TMX2: variants seen among roughly 807,000 people sequenced by gnomAD.
TMX2 encodes the protein thioredoxin-related transmembrane protein 2.
TMX2 carries 20 observed loss-of-function variants against 33.4 expected under a neutral mutation model. That is an observed-to-expected ratio of 0.60 (90% confidence interval 0.42 to 0.87). The LOEUF is 0.87. TMX2 is among the 40% of genes least tolerant of loss of function. The pLI, the probability that TMX2 is intolerant of heterozygous loss-of-function variation, is 0.00. For missense variants in TMX2, 340 were observed against 370.7 expected (o/e 0.92, Z 0.68); for synonymous variants, 166 against 140.7 (o/e 1.18, Z -1.27).
chr11:57,721,166 G>A (rs1436764135), intron 1 of TMX2, among the ~76,000 whole-genome samples: 1 of 151,960 alleles, frequency 6.6e-6, no homozygotes, highest in Admixed American at 6.6e-5. Flanking sequence ...GCCGGGTGTG[G>A]TGGTGTGTGC....
chr11:57,737,335 C>T (rs1441254279), intron 1 of TMX2, among the ~76,000 whole-genome samples: 29 of 152,100 alleles, frequency 1.9e-4, no homozygotes, highest in Admixed American at 1.9e-3. Flanking sequence ...TTGCAGTGAG[C>T]CGAGATCGCG....
chr11:57,713,387 C>T (rs756245068), intron 1 of TMX2, among the ~76,000 whole-genome samples: 17 of 151,856 alleles, frequency 1.1e-4, no homozygotes, highest in Middle Eastern at 3.2e-3. Context: ...CCTGAAGATG[C>T]GAAAGTGGAT....
At chr11:57,718,464 G>T in intron 1 of TMX2, 1 of 1,049,168 alleles carries the variant, frequency 9.5e-7, no homozygotes, top group Non-Finnish European at 1.5e-6. Context: ...TCTGCAAACA[G>T]CTCGAAGGAG....
intron 1 of TMX2, among the ~76,000 whole-genome samples, chr11:57,731,510 A>G (rs545063484): frequency 2.7e-5 from 4 of 148,266 alleles, no homozygotes; most frequent in South Asian, 2.1e-4. Flanking sequence ...TCCCTAAAAT[A>G]TATAAAATCA....
intron 1 of TMX2, among the ~76,000 whole-genome samples, chr11:57,724,964 G>A (rs999295840): frequency 1.3e-5 from 2 of 151,660 alleles, no homozygotes; most frequent in South Asian, 2.1e-4. Context: ...CTTTGAACTC[G>A]GGTGGCAGAG....
At chr11:57,731,225 C>A (rs1393457085) in intron 1 of TMX2, among the ~76,000 whole-genome samples, 1 of 141,666 alleles carries the variant, frequency 7.1e-6, no homozygotes, top group Non-Finnish European at 1.5e-5. Context: ...CATCTGCCTC[C>A]CTGGTTCAAG....
chr11:57,716,618 A>C (rs889560800), intron 1 of TMX2, among the ~76,000 whole-genome samples: 4 of 96,348 alleles, frequency 4.2e-5, no homozygotes, highest in African/African-American at 8.2e-5. Flanking sequence ...TGGGGGGCTG[A>C]CCCCCCCACC....
chr11:57,737,448 C>T (rs527855747), intron 1 of TMX2, among the ~76,000 whole-genome samples, 160 bp from the exon 2 acceptor site: 1 of 152,362 alleles, frequency 6.6e-6, no homozygotes, highest in African/African-American at 2.4e-5. Flanking sequence ...GGTCTTCTGA[C>T]TGATGTTTAT....
intron 1 of TMX2, chr11:57,718,650 CCT>C (rs1322491849): frequency 2.7e-5 from 9 of 332,020 alleles, no homozygotes; most frequent in East Asian, 1.5e-4. Flanking sequence ...AATAACCCCC[CCT>C]CTTTTTTTTT....
At chr11:57,739,762 A>AG (rs1477813452) in intron 7 of TMX2, among the ~76,000 whole-genome samples, 1 of 152,150 alleles carries the variant, frequency 6.6e-6, no homozygotes, top group African/African-American at 2.4e-5. Context: ...AGGAAAAAAA[A>AG]AAAAAGATTC....
At chr11:57,733,537 G>A (rs375626886) in intron 1 of TMX2, among the ~76,000 whole-genome samples, 12 of 151,988 alleles carry the variant, frequency 7.9e-5, no homozygotes, top group Non-Finnish European at 1.3e-4. Context: ...GATTACAGGC[G>A]TGAGTCACCG....
rs534627689 is a variant in TMX2 at position 57,732,820 on chromosome 11, G to T, written c.190-4788G>T. Among the ~76,000 whole-genome samples the T allele has an allele frequency of 1.3e-3, 198 of 152,186 alleles. 1 individual carries two copies. Among genetic ancestry groups the T allele is most frequent in the African/African-American group, 4.7e-3 (195 of 41,512 alleles). ...CCATTGGTGATCAGCTGAACTTTCA[G>T]CCTGGTGGGGGGTGGGGTGGGGCTG... On this transcript the variant is annotated intron_variant, in intron 1 of 7. Coordinates refer to ENST00000278422, the MANE Select transcript of TMX2 (RefSeq NM_015959.4).
At chr11:57,717,717 GAGGGAGA>G (rs1466241521) in intron 1 of TMX2, among the ~76,000 whole-genome samples, 1 of 54,584 alleles carries the variant, frequency 1.8e-5, no homozygotes, top group East Asian at 1.4e-3. Context: ...GGGAGACCGA[GAGGGAGA>G]GGGGAGAGGG....
At chr11:57,735,808 C>T (rs1348181786) in intron 1 of TMX2, among the ~76,000 whole-genome samples, 1 of 152,182 alleles carries the variant, frequency 6.6e-6, no homozygotes, top group Non-Finnish European at 1.5e-5. Context: ...TCAGCCCTCT[C>T]AAGTCAAAAG....
chr11:57,738,190 C>A, intron 3 of TMX2, 164 bp downstream of exon 3: 1 of 737,264 alleles, frequency 1.4e-6, no homozygotes, highest in Non-Finnish European at 2.3e-6. Context: ...CAGATGATAA[C>A]AGTTTACAGA....
At chr11:57,735,043 T>C (rs1162351751) in intron 1 of TMX2, among the ~76,000 whole-genome samples, 1 of 151,562 alleles carries the variant, frequency 6.6e-6, no homozygotes, top group African/African-American at 2.4e-5. Context: ...GGCAGGAGAA[T>C]CGGTTGAACC....
chr11:57,735,294 C>A (rs544938031), intron 1 of TMX2, among the ~76,000 whole-genome samples: 2 of 151,632 alleles, frequency 1.3e-5, no homozygotes, highest in African/African-American at 4.8e-5. Context: ...CTGCAACCTC[C>A]GCCTCCCGGG....
chr11:57,738,737 C>G lies in TMX2; in HGVS notation c.515C>G (p.Ser172Ter). 6.2e-7 allele frequency: 1 copy of G among 1,614,134 alleles called. No individual in the cohort carries two copies. Among genetic ancestry groups the G allele is most frequent in the Non-Finnish European group, 8.5e-7 (1 of 1,180,012 alleles). ...GCCAATTGGTCTAATGACTGCCAAT[C>G]ATTTGCCCCTATCTATGCTGACCTC... is the stretch of plus-strand genomic sequence containing the variant. ...FFANWSNDCQ[S>*]FAPIYADLSL... Residue 172 changes from serine (S) to a stop codon, truncating the protein, a stop_gained, in exon 5 of 8, where the codon TCA (serine) becomes TGA (stop). Coordinates refer to ENST00000278422, the MANE Select transcript of TMX2 (RefSeq NM_015959.4). LOFTEE classifies it high-confidence loss of function.
chr11:57,727,278 A>C lies in TMX2; in HGVS notation c.190-10330A>C, dbSNP rs1451322062. ...ATCGCTAATATTTAAAACTATTACC[A>C]TCAAATCAAAGGACTCTAGAAACAA... is the stretch of plus-strand genomic sequence containing the variant. On this transcript the variant is annotated intron_variant, in intron 1 of 7. Transcript: ENST00000278422. Among the ~76,000 whole-genome samples the C allele has an allele frequency of 2.0e-5, 3 of 152,272 alleles. No homozygotes were observed. The East Asian group carries it at 5.8e-4, about 29-fold the overall frequency.
Sources: gnomAD v4.1 joint callset for allele counts (sites outside exome capture counted in the v4.1 genomes callset) on GRCh38, gnomAD v4.1.1 for gene constraint, MANE v1.5 for transcripts, NCBI Gene and HGNC (gene_info 2026-07-23, HGNC 2026-07-21) for gene names.